Variants in KSR2 observed in about 807,000 individuals in gnomAD.
KSR2 encodes the protein kinase suppressor of ras 2.
A neutral mutation model predicts 107.8 loss-of-function variants in KSR2; 25 were observed. The observed-to-expected ratio is 0.23, with a 90% CI of 0.17 to 0.32. The LOEUF (loss-of-function observed/expected upper bound fraction) is 0.32, where lower values mean the gene tolerates loss of function less well. KSR2 is among the 10% of genes least tolerant of loss of function. KSR2 has a pLI of 1.00. For synonymous variants in KSR2, 480 were observed against 507.0 expected (o/e 0.95, Z 0.71); for missense variants, 887 against 1,268.9 (o/e 0.70, Z 4.57).
chr12:117,614,210 A>G (rs912485934), intron 5 of KSR2, among the ~76,000 whole-genome samples: 1 of 152,206 alleles, frequency 6.6e-6, no homozygotes, highest in Non-Finnish European at 1.5e-5. Context: ...ACACTACTAT[A>G]TGTACAGAAA....
At chr12:117,547,704 T>C (rs1217386393) in intron 9 of KSR2, among the ~76,000 whole-genome samples, 2 of 152,136 alleles carry the variant, frequency 1.3e-5, no homozygotes, top group Non-Finnish European at 2.9e-5. Context: ...TTTGACTAGA[T>C]GGGGCAGGCT....
intron 2 of KSR2, among the ~76,000 whole-genome samples, chr12:117,856,576 A>G (rs1308486947): frequency 6.6e-6 from 1 of 152,052 alleles, no homozygotes; most frequent in Non-Finnish European, 1.5e-5. Context: ...TCCCGGGTTC[A>G]AGCGATTCTC....
At chr12:117,537,395 T>C (rs1421384778) in intron 10 of KSR2, among the ~76,000 whole-genome samples, 1 of 152,222 alleles carries the variant, frequency 6.6e-6, no homozygotes, top group Non-Finnish European at 1.5e-5. Context: ...AGATAGCCAC[T>C]GTACTTTATT....
chr12:117,946,538 T>C (rs1014131839), intron 1 of KSR2, among the ~76,000 whole-genome samples: 1 of 152,014 alleles, frequency 6.6e-6, no homozygotes, highest in Non-Finnish European at 1.5e-5. Context: ...CAAGAACAAA[T>C]ACACTACATG....
intron 1 of KSR2, among the ~76,000 whole-genome samples, chr12:117,944,950 G>T (rs938100674): frequency 1.3e-5 from 2 of 152,080 alleles, no homozygotes; most frequent in Non-Finnish European, 2.9e-5. Flanking sequence ...AGTTTTCAGA[G>T]CAAGGAAAAT....
intron 1 of KSR2, among the ~76,000 whole-genome samples, chr12:117,929,808 C>A (rs1895646786): frequency 6.6e-6 from 1 of 152,048 alleles, no homozygotes; most frequent in Non-Finnish European, 1.5e-5. Context: ...CTACAACAGG[C>A]AAATTCATAA....
At chr12:117,725,522 G>A (rs1490740243) in intron 4 of KSR2, among the ~76,000 whole-genome samples, 2 of 152,156 alleles carry the variant, frequency 1.3e-5, no homozygotes, top group Non-Finnish European at 2.9e-5. Flanking sequence ...TACATCATAT[G>A]CAAAAATTAA....
intron 1 of KSR2, among the ~76,000 whole-genome samples, chr12:117,914,109 T>C (rs1182552991): frequency 6.6e-6 from 1 of 152,008 alleles, no homozygotes; most frequent in Admixed American, 6.6e-5. Flanking sequence ...ACATTCTGGG[T>C]GTACACTGTT....
At chr12:117,876,217 GGCCCA>G (rs1460903206) in intron 1 of KSR2, among the ~76,000 whole-genome samples, 1 of 152,234 alleles carries the variant, frequency 6.6e-6, no homozygotes, top group Admixed American at 6.5e-5. Context: ...GGCGCTTGGC[GGCCCA>G]GCTGACGGGG....
In KSR2 at chr12:117,855,509, C is replaced by A; in HGVS notation, c.391G>T (p.Val131Leu). 1 of 1,614,042 alleles carries A rather than the reference C, an allele frequency of 6.2e-7. No individual in the cohort carries two copies. Among genetic ancestry groups the A allele is most frequent in the Non-Finnish European group, 8.5e-7 (1 of 1,179,890 alleles). ...TCCCGGTTGGCTCCGTATTTCTCCACAGTCTCGCACACCTGTTCATCCGTC... is the reference window on the plus strand; with the variant it reads ...TCCCGGTTGGCTCCGTATTTCTCCAAAGTCTCGCACACCTGTTCATCCGTC... ...EMTDEQVCET[V>L]EKYGANREEC... Residue 131 changes from valine to leucine, a missense_variant, in exon 3 of 20, where the codon GTG becomes TTG. Around this residue, in one of 8 missense-constraint regions of KSR2, gnomAD observed 399 missense variants for 479.5 expected, o/e 0.83. Transcript: ENST00000339824.
At chr12:117,860,865 C>T (rs541832662) in intron 1 of KSR2, among the ~76,000 whole-genome samples, 67 of 152,030 alleles carry the variant, frequency 4.4e-4, no homozygotes, top group Non-Finnish European at 6.9e-4. Context: ...ATTACAGGCG[C>T]GCGCCACCAT....
At chr12:117,759,437 A>C (rs1353989407) in intron 4 of KSR2, among the ~76,000 whole-genome samples, 2 of 152,194 alleles carry the variant, frequency 1.3e-5, no homozygotes, top group African/African-American at 2.4e-5. Flanking sequence ...AAGTGTGCCA[A>C]CCCTTCACTT....
chr12:117,898,868 T>C (rs1894596644), intron 1 of KSR2, among the ~76,000 whole-genome samples: 1 of 152,178 alleles, frequency 6.6e-6, no homozygotes, highest in Non-Finnish European at 1.5e-5. Context: ...TTGTGAGATC[T>C]AAAAATCAAA....
intron 1 of KSR2, among the ~76,000 whole-genome samples, chr12:117,871,425 C>A (rs1480305882): frequency 6.6e-6 from 1 of 152,056 alleles, no homozygotes. Context: ...CCCGTCACTA[C>A]TAAAACTACA....
chr12:117,531,360 T>G (rs1875620027), intron 11 of KSR2, among the ~76,000 whole-genome samples: 1 of 152,168 alleles, frequency 6.6e-6, no homozygotes, highest in Admixed American at 6.5e-5. Flanking sequence ...AGTACCCAGC[T>G]CAGGACCCTA....
At chr12:117,723,661 A>T (rs1354559) in intron 4 of KSR2, among the ~76,000 whole-genome samples, 57,959 of 151,750 alleles carry the variant, frequency 0.38, 11,247 homozygotes, top group Middle Eastern at 0.48. Context: ...TCCAAATAAG[A>T]TCTGTACCTA....
intron 1 of KSR2, among the ~76,000 whole-genome samples, chr12:117,924,535 G>A (rs1330201675): frequency 3.1e-5 from 4 of 128,674 alleles, no homozygotes; most frequent in Non-Finnish European, 6.2e-5. Flanking sequence ...TCGTGTCATT[G>A]CACTCCAGCC....
At chr12:117,796,343 G>A (rs1236783719) in intron 3 of KSR2, among the ~76,000 whole-genome samples, 1 of 152,200 alleles carries the variant, frequency 6.6e-6, no homozygotes, top group African/African-American at 2.4e-5. Context: ...TACCTGCCTA[G>A]TAAGGTGATG....
intron 9 of KSR2, among the ~76,000 whole-genome samples, chr12:117,545,511 G>A (rs1323375044): frequency 2.0e-5 from 3 of 152,042 alleles, no homozygotes; most frequent in Non-Finnish European, 4.4e-5. Flanking sequence ...TTTCATATTG[G>A]GTGAGTTGTG....
Sources: gnomAD v4.1 joint callset for allele counts (sites outside exome capture counted in the v4.1 genomes callset) on GRCh38, gnomAD v4.1.1 for gene constraint, gnomAD v4.1.1 regional missense constraint, MANE v1.5 for transcripts, NCBI Gene and HGNC (gene_info 2026-07-23, HGNC 2026-07-21) for gene names.